Variants in HECTD4 observed in about 807,000 individuals in gnomAD.
HECTD4 encodes HECT domain E3 ubiquitin protein ligase 4.
HECTD4 carries 114 observed loss-of-function variants against 471.5 expected under a neutral mutation model. That is an observed-to-expected ratio of 0.24 (90% CI 0.21 to 0.28). The LOEUF (loss-of-function observed/expected upper bound fraction) is 0.28, where lower values mean the gene tolerates loss of function less well. Among genes scored for constraint, HECTD4 ranks in the 10% least tolerant of loss-of-function variants. HECTD4 has a pLI of 1.00. For synonymous variants in HECTD4, 2,012 were observed against 2,256.0 expected, an observed-to-expected ratio of 0.89 and a Z score of 3.07; for missense variants, 3,866 against 5,651.5, an observed-to-expected ratio of 0.68 and a Z score of 10.13.
Position 112,200,764 on chromosome 12 carries a change from C to T in HECTD4, c.8441G>A (p.Arg2814His), listed in dbSNP as rs778752716. 7.4e-6 allele frequency: 12 copies of T among 1,613,544 alleles called. No homozygotes were observed. Among genetic ancestry groups the T allele is most frequent in the African/African-American group, 1.3e-5 (1 of 74,860 alleles). Residue 2814 changes from arginine (R) to histidine (H), a missense_variant, in exon 55 of 76, where the codon CGC (arginine) becomes CAC (histidine). Around this residue, in one of 16 missense-constraint regions of HECTD4, gnomAD observed 266 missense variants for 441.6 expected, o/e 0.60. Transcript: ENST00000682272. ...NELVQVETYL[R>H]SEGVLVRYWY... ...GTATCGCACCAGCACACCTTCACTG[C>T]GGAGGTACGTTTCTACCTGCACCAG...
rs2031797629 is a variant in HECTD4, at chr12:112,184,711, T to C, written c.10255A>G (p.Lys3419Glu). ...ACCCCGCCGTGGGCGTTGCAGGCCTTGCGGATGGCGCCTCTGACTACGCCC... is the reference window on the plus strand; with the variant it reads ...ACCCCGCCGTGGGCGTTGCAGGCCTCGCGGATGGCGCCTCTGACTACGCCC... Reference protein sequence around the residue: ...DEGVVRGAIRKACNAHGGVFK... With the variant: ...DEGVVRGAIREACNAHGGVFK... The change falls in exon 61 of 76, where the codon AAG becomes GAG. Residue 3419 changes from lysine (K) to glutamate (E), a missense_variant. This residue lies in a region of HECTD4 where 71 missense variants were observed against 144.5 expected (regional missense o/e 0.49). Transcript: ENST00000682272. This position sits in a 1 kb window ranked among gnomAD's most constrained non-coding sequence, Gnocchi z 9.1. 2 of 1,613,314 alleles carry C rather than the reference T, an allele frequency of 1.2e-6. No individual in the cohort carries two copies. The highest frequency in any genetic ancestry group is 1.7e-6 in the Non-Finnish European group (2 of 1,179,492).
intron 17 of HECTD4, among the ~76,000 whole-genome samples, chr12:112,263,546 A>G (rs1162377511): frequency 6.6e-6 from 1 of 152,176 alleles, no homozygotes; most frequent in Non-Finnish European, 1.5e-5. Flanking sequence ...CACAGAAGCT[A>G]ATTTAAAAAT....
intron 5 of HECTD4, 36 bp downstream of exon 5, chr12:112,309,525 C>T: frequency 2.2e-6 from 2 of 891,018 alleles, no homozygotes. Flanking sequence ...GGATAATGTT[C>T]TAGCCCAATC....
At chr12:112,342,279 G>A (rs2036066863) in intron 1 of HECTD4, among the ~76,000 whole-genome samples, 1 of 152,096 alleles carries the variant, frequency 6.6e-6, no homozygotes, top group South Asian at 2.1e-4. Flanking sequence ...AACACAGGAA[G>A]ACCCTGTTTT....
intron 1 of HECTD4, among the ~76,000 whole-genome samples, chr12:112,354,233 T>A (rs934449040): frequency 5.3e-5 from 8 of 152,066 alleles, no homozygotes; most frequent in Non-Finnish European, 1.0e-4. Flanking sequence ...GCTAATTTTT[T>A]AATTTTTTGT....
chr12:112,277,678 G>T (rs2034554236), intron 9 of HECTD4, among the ~76,000 whole-genome samples: 1 of 152,194 alleles, frequency 6.6e-6, no homozygotes, highest in Non-Finnish European at 1.5e-5. Context: ...CTTCAAGCGA[G>T]GGTGGAATTG....
rs766316631 is a variant in HECTD4 at position 112,248,301 on chromosome 12, A to G, written c.4143+19T>C. Reference sequence around the variant, plus strand: ...ATTTCCATAAAAGAAATTGTTTCCAACAGTTATCAGACATTTACCTGCAGC... The same window carrying G: ...ATTTCCATAAAAGAAATTGTTTCCAGCAGTTATCAGACATTTACCTGCAGC... On this transcript the variant is annotated intron_variant, in intron 26 of 75. Coordinates refer to ENST00000682272, the MANE Select transcript of HECTD4 (RefSeq NM_001388303.1). 10 of 1,562,896 alleles carry G rather than the reference A, an allele frequency of 6.4e-6. No homozygotes were observed. The South Asian group carries it at 1.2e-4, about 19-fold the overall frequency.
At chr12:112,309,038 A>G in intron 5 of HECTD4, 147 bp from the exon 6 acceptor site, 3 of 865,946 alleles carry the variant, frequency 3.5e-6, no homozygotes, top group Non-Finnish European at 5.1e-6. Flanking sequence ...AATGTATTAC[A>G]TTAACTTCAG....
chr12:112,180,075 G>A (rs981054731), intron 62 of HECTD4, among the ~76,000 whole-genome samples: 5 of 152,148 alleles, frequency 3.3e-5, no homozygotes, highest in Admixed American at 6.5e-5. Context: ...GAATCACTCC[G>A]TTCTCCCAGC....
intron 34 of HECTD4, 100 bp downstream of exon 34, chr12:112,238,952 A>T: frequency 3.5e-6 from 4 of 1,154,424 alleles, no homozygotes; most frequent in Non-Finnish European, 4.8e-6. Flanking sequence ...CATGTCATTT[A>T]ATAGAGGCTT....
rs756114700 is a variant in HECTD4, at chr12:112,163,309, T to C, written c.12898-45A>G. 1 of 1,534,162 alleles carries C rather than the reference T, an allele frequency of 6.5e-7. No homozygotes were observed. Among genetic ancestry groups the C allele is most frequent in the Admixed American group, 1.8e-5 (1 of 55,526 alleles). The stretch of plus-strand genomic sequence containing the variant: ...GTGTCAGGAGCCCTGGAGCCCCACC[T>C]ACCCAGTGCCTCCCCAGCCCTGGGG... On this transcript the variant is annotated intron_variant, in intron 74 of 75. Transcript: ENST00000682272. This position sits in a 1 kb window ranked among gnomAD's most constrained non-coding sequence, Gnocchi z 8.2.
chr12:112,265,948 C>T lies in HECTD4; in HGVS notation c.2428G>A (p.Val810Met), dbSNP rs151175854. The T allele has an allele frequency of 3.1e-6, 5 of 1,613,990 alleles. No homozygotes were observed. The highest frequency in any genetic ancestry group is 2.2e-5 in the East Asian group (1 of 44,876). Residue 810 changes from valine (V) to methionine (M), a missense_variant, in exon 15 of 76, where the codon GTG becomes ATG. Val to Met is a conservative substitution (Grantham distance 21). Coordinates refer to ENST00000682272, the MANE Select transcript of HECTD4 (RefSeq NM_001388303.1). ...RNSGLSQLRD[V>M]ILTNLAEQLQ... ...TGTTCAGCCAGGTTGGTTAGGATCA[C>T]ATCCCGTAGCTGGGAGAGTCCACTG...
intron 46 of HECTD4, 48 bp from the exon 47 acceptor site, chr12:112,216,969 C>A: frequency 6.3e-7 from 1 of 1,598,582 alleles, no homozygotes; most frequent in South Asian, 1.1e-5. Flanking sequence ...TAATCCTGGG[C>A]CTGAGACCTG....
chr12:112,184,280 GGCCGTCTCT>G lies in HECTD4; in HGVS notation c.10677_10685del (p.Glu3560_Ala3562del). ...ACATGGAGCCCATGTCCGACACCGA[GGCCGTCTCT>G]GCATTGTCCAGGGGCTCCCCCAGGC... On this transcript the variant is annotated inframe_deletion, in exon 61 of 76. Transcript: ENST00000682272. The surrounding 1 kb of genome is among the most constrained non-coding windows in gnomAD (Gnocchi z 9.1). 1.7e-5 allele frequency: 27 copies of G among 1,613,544 alleles called. No individual in the cohort carries two copies. The highest frequency in any genetic ancestry group is 2.3e-5 in the Non-Finnish European group (27 of 1,179,864).
intron 1 of HECTD4, chr12:112,321,796 A>G (rs1264757560): frequency 6.6e-6 from 1 of 152,168 alleles, no homozygotes; most frequent in African/African-American, 2.4e-5. Flanking sequence ...ACACAAAACC[A>G]AAACAAAAGA....
chr12:112,207,090 CTGTT>C (rs1021370003), intron 52 of HECTD4, among the ~76,000 whole-genome samples: 33 of 151,544 alleles, frequency 2.2e-4, no homozygotes, highest in South Asian at 1.9e-3. Context: ...AAAAAAAATA[CTGTT>C]TGTTTATGTA....
chr12:112,274,697 C>A (rs2034488622), intron 10 of HECTD4, 150 bp downstream of exon 10: 5 of 606,454 alleles, frequency 8.2e-6, no homozygotes, highest in South Asian at 2.0e-5. Flanking sequence ...ACAGAAGAGA[C>A]CCTGTCTCAA....
At chr12:112,327,271 C>T (rs965007751) in intron 1 of HECTD4, among the ~76,000 whole-genome samples, 2 of 151,988 alleles carry the variant, frequency 1.3e-5, no homozygotes, top group African/African-American at 4.8e-5. Flanking sequence ...AAGCCAAGAT[C>T]GTGCTACTGC....
At chr12:112,165,511 C>T (rs1014383997) in intron 72 of HECTD4, among the ~76,000 whole-genome samples, 17 of 151,956 alleles carry the variant, frequency 1.1e-4, no homozygotes, top group African/African-American at 4.8e-5. Flanking sequence ...GCCACCATGC[C>T]TGGCTAATTT....
Sources: allele counts gnomAD v4.1 joint callset (sites outside exome capture counted in the v4.1 genomes callset), GRCh38; gene constraint gnomAD v4.1.1; regional missense constraint gnomAD v4.1.1; non-coding constraint Gnocchi (gnomAD v3.1); transcripts MANE v1.5; gene names NCBI Gene and HGNC (gene_info 2026-07-23, HGNC 2026-07-21).